DSCAML1: variants seen among roughly 807,000 people sequenced by gnomAD.
DSCAML1 encodes cell adhesion molecule DSCAML1.
Under a neutral mutation model 200.5 loss-of-function variants are expected in DSCAML1, and 38 were observed. The observed-to-expected ratio is 0.19, with a 90% CI of 0.15 to 0.25. The LOEUF is 0.25. Among genes scored for constraint, DSCAML1 ranks in the 10% least tolerant of loss-of-function variants. DSCAML1 has a pLI of 1.00. For synonymous variants in DSCAML1, 1,215 were observed against 1,165.0 expected, an observed-to-expected ratio of 1.04 and a Z score of -0.87; for missense variants, 2,223 against 2,858.8, an observed-to-expected ratio of 0.78 and a Z score of 5.07.
In DSCAML1 at chr11:117,428,278, TG is replaced by T. The variant is rs2047700697; in HGVS notation, c.*49del. On this transcript the variant is annotated 3_prime_UTR_variant, in exon 33 of 33. Coordinates refer to ENST00000651296, the MANE Select transcript of DSCAML1 (RefSeq NM_020693.4). ...GCAGAAAAACAGCCGAGCTGGCGTG[TG>T]GGGCTGCGGCGCGGCGCGGTCCAGG... 2 of 1,044,700 alleles carry T rather than the reference TG, an allele frequency of 1.9e-6. No individual in the cohort carries two copies. Among genetic ancestry groups the T allele is most frequent in the Non-Finnish European group, 2.9e-6 (2 of 686,218 alleles). 64.7% of individuals were successfully genotyped at this position (1,044,700 alleles called of 1,614,324 possible).
intron 15 of DSCAML1, 114 bp downstream of exon 15, chr11:117,471,755 C>A: frequency 8.6e-7 from 1 of 1,167,682 alleles, no homozygotes. Flanking sequence ...GATGCTTTTC[C>A]CCACGCCACC....
intron 3 of DSCAML1, among the ~76,000 whole-genome samples, chr11:117,578,101 G>A (rs548176642): frequency 1.3e-5 from 2 of 151,828 alleles, no homozygotes; most frequent in Non-Finnish European, 2.9e-5. Context: ...TGGGTGTGGT[G>A]GTGCATGACT....
At chr11:117,760,869 A>T (rs1393233236) in intron 3 of DSCAML1, among the ~76,000 whole-genome samples, 1 of 152,206 alleles carries the variant, frequency 6.6e-6, no homozygotes. Flanking sequence ...CTTCACTTAC[A>T]GATGAGGAAA....
intron 6 of DSCAML1, among the ~76,000 whole-genome samples, chr11:117,519,795 G>C (rs924987625): frequency 1.3e-5 from 2 of 152,182 alleles, no homozygotes; most frequent in Non-Finnish European, 2.9e-5. Context: ...ACTCCAGCCT[G>C]GGCAACAGAG....
intron 3 of DSCAML1, among the ~76,000 whole-genome samples, chr11:117,614,194 G>A (rs1361366273): frequency 6.6e-6 from 1 of 152,104 alleles, no homozygotes; most frequent in Non-Finnish European, 1.5e-5. Flanking sequence ...ACTCACGCCT[G>A]TCTTCCCCAT....
In DSCAML1 at chr11:117,505,055, G is replaced by C. The variant is rs761820523; in HGVS notation, c.2063-12C>G. 1.2e-6 allele frequency: 2 copies of C among 1,605,128 alleles called. No individual in the cohort carries two copies. The highest frequency in any genetic ancestry group is 1.7e-6 in the Non-Finnish European group (2 of 1,175,432). On this transcript the variant is annotated splice_polypyrimidine_tract_variant and intron_variant, in intron 9 of 32. Coordinates refer to ENST00000651296, the MANE Select transcript of DSCAML1 (RefSeq NM_020693.4). This position sits in a 1 kb window ranked among gnomAD's most constrained non-coding sequence, Gnocchi z 6.7. The stretch of plus-strand genomic sequence containing the variant: ...AAATCGAGGGGGCACTGCAGAAAGA[G>C]GGAAGGTAGGGAAACAGACCATTTT...
At chr11:117,705,314 G>A (rs2053740710) in intron 3 of DSCAML1, among the ~76,000 whole-genome samples, 1 of 152,192 alleles carries the variant, frequency 6.6e-6, no homozygotes, top group South Asian at 2.1e-4. Flanking sequence ...CTAACTGAAA[G>A]CCGATGTACT....
chr11:117,462,539 C>A (rs2048501500), intron 17 of DSCAML1, among the ~76,000 whole-genome samples: 1 of 152,204 alleles, frequency 6.6e-6, no homozygotes, highest in African/African-American at 2.4e-5. Flanking sequence ...GAAATTAGAT[C>A]CCGTTGCCCC....
chr11:117,603,533 T>C (rs1333834048), intron 3 of DSCAML1, among the ~76,000 whole-genome samples: 1 of 152,224 alleles, frequency 6.6e-6, no homozygotes, highest in Non-Finnish European at 1.5e-5. Flanking sequence ...TCAAATGAGA[T>C]AGTGGATATA....
At chr11:117,749,655 A>G (rs915730331) in intron 3 of DSCAML1, among the ~76,000 whole-genome samples, 10 of 152,258 alleles carry the variant, frequency 6.6e-5, no homozygotes, top group African/African-American at 2.4e-4. Context: ...GGCCCAGAAC[A>G]CAGATGAACC....
intron 16 of DSCAML1, among the ~76,000 whole-genome samples, chr11:117,468,157 A>G (rs1229598880): frequency 6.6e-6 from 1 of 152,200 alleles, no homozygotes; most frequent in African/African-American, 2.4e-5. Flanking sequence ...AATCTTAACA[A>G]TATTTCTCTG....
At chr11:117,761,077 C>G (rs1041940673) in intron 3 of DSCAML1, among the ~76,000 whole-genome samples, 2 of 152,168 alleles carry the variant, frequency 1.3e-5, no homozygotes, top group African/African-American at 4.8e-5. Flanking sequence ...GGTCTCATAT[C>G]TGGATACTCA....
At chr11:117,688,392 A>G (rs114205362) in intron 3 of DSCAML1, among the ~76,000 whole-genome samples, 216 of 152,258 alleles carry the variant, frequency 1.4e-3, no homozygotes, top group African/African-American at 4.9e-3. Context: ...TTTCCTGACA[A>G]TGGTCTCAGT....
At chr11:117,537,963 G>C (rs1050387370) in intron 3 of DSCAML1, among the ~76,000 whole-genome samples, 1 of 152,222 alleles carries the variant, frequency 6.6e-6, no homozygotes, top group African/African-American at 2.4e-5. Context: ...GCTCTGGGCA[G>C]CTCACCCAGG....
At chr11:117,655,249 A>G (rs2052710006) in intron 3 of DSCAML1, among the ~76,000 whole-genome samples, 1 of 152,244 alleles carries the variant, frequency 6.6e-6, no homozygotes. Flanking sequence ...GGAGGGCTCA[A>G]TGTGCAGGCA....
At chr11:117,681,849 C>T (rs1301865768) in intron 3 of DSCAML1, among the ~76,000 whole-genome samples, 1 of 152,206 alleles carries the variant, frequency 6.6e-6, no homozygotes, top group Admixed American at 6.5e-5. Flanking sequence ...AATCCTCCAG[C>T]CCCCGGGAGT....
In DSCAML1 at chr11:117,472,006, T is replaced by C. The variant is rs1449717149; in HGVS notation, c.2816A>G (p.Asn939Ser). 13 of 1,613,990 alleles carry C rather than the reference T, an allele frequency of 8.1e-6. No individual in the cohort carries two copies. In the Admixed American group the frequency reaches 1.8e-4, roughly 23 times the overall value. The stretch of plus-strand genomic sequence containing the variant: ...GGCCTGGTTGATGGTGGGGGAGATG[T>C]TGCGTGTGGACTGCTTGAAGTCCCA... ...DSWDFKQSTR[N>S]ISPTINQANI... Residue 939 changes from asparagine (N) to serine (S), a missense_variant, in exon 15 of 33, where the codon AAC becomes AGC. Physicochemically the swap from Asn to Ser is conservative, Grantham distance 46 (BLOSUM62 1). Coordinates refer to ENST00000651296, the MANE Select transcript of DSCAML1 (RefSeq NM_020693.4).
intron 16 of DSCAML1, among the ~76,000 whole-genome samples, chr11:117,467,997 G>A (rs1404845215): frequency 1.3e-5 from 2 of 152,058 alleles, no homozygotes; most frequent in African/African-American, 2.4e-5. Flanking sequence ...GTCTCAGACA[G>A]GCATGCAGGC....
At position 117,435,812 on chromosome 11, in the gene DSCAML1, A is replaced by G; in HGVS notation, c.4721-13T>C. 1 of 1,598,020 alleles carries G rather than the reference A, an allele frequency of 6.3e-7. No homozygotes were observed. Among genetic ancestry groups the G allele is most frequent in the Non-Finnish European group, 8.6e-7 (1 of 1,166,918 alleles). ...GGTGGAATGGTGCCTGAATGAGGGC[A>G]AAGAATAGAATTAGATGTCCCTTAT... is the stretch of plus-strand genomic sequence containing the variant. On this transcript the variant is annotated splice_polypyrimidine_tract_variant and intron_variant, in intron 26 of 32. Transcript: ENST00000651296.
Sources: allele counts gnomAD v4.1 joint callset (sites outside exome capture counted in the v4.1 genomes callset), GRCh38; gene constraint gnomAD v4.1.1; non-coding constraint Gnocchi (gnomAD v3.1); transcripts MANE v1.5; gene names NCBI Gene and HGNC (gene_info 2026-07-23, HGNC 2026-07-21).